The following PTPRA variants were observed in gnomAD, a reference collection of about 807,000 sequenced individuals.
PTPRA encodes protein tyrosine phosphatase receptor type A, also known as receptor-type tyrosine-protein phosphatase alpha.
In PTPRA, 25 loss-of-function variants were observed where a neutral mutation model predicts 104.8. That is an observed-to-expected ratio of 0.24 (90% CI 0.17 to 0.33). The LOEUF is 0.33. Among genes scored for constraint, PTPRA ranks in the 10% least tolerant of loss-of-function variants. The pLI is 1.00. For missense variants in PTPRA, 765 were observed against 1,015.3 expected (o/e 0.75, Z 3.35); for synonymous variants, 323 against 368.9 (o/e 0.88, Z 1.43).
At chr20:3,018,033 G>A in intron 13 of PTPRA, 120 bp downstream of exon 13, 1 of 833,164 alleles carries the variant, frequency 1.2e-6, no homozygotes, top group South Asian at 1.6e-5. Context: ...GAAAGACACA[G>A]GCTGAAGTCT....
At chr20:2,912,690 C>T (rs1362507069) in intron 1 of PTPRA, among the ~76,000 whole-genome samples, 2 of 152,216 alleles carry the variant, frequency 1.3e-5, no homozygotes, top group Non-Finnish European at 2.9e-5. Flanking sequence ...CGTGACCAAA[C>T]TGCTATTCTC....
chr20:3,037,420 A>G lies in PTPRA; in HGVS notation c.2334+131A>G. 1 of 1,395,416 alleles carries G rather than the reference A, an allele frequency of 7.2e-7. No individual in the cohort carries two copies. The highest frequency in any genetic ancestry group is 9.7e-7 in the Non-Finnish European group (1 of 1,033,724). 86.4% of individuals were successfully genotyped at this position (1,395,416 alleles called of 1,614,324 possible). The stretch of plus-strand genomic sequence containing the variant: ...ACACAGACCTGCCCTTGCCCTCCCA[A>G]GGTGCCCCAAATACACAGGAAACAT... On this transcript the variant is annotated intron_variant, in intron 23 of 23. Coordinates refer to ENST00000399903, the MANE Select transcript of PTPRA (RefSeq NM_001385305.1). The surrounding 1 kb of genome is among the most constrained non-coding windows in gnomAD (Gnocchi z 4.3).
In PTPRA at chr20:3,015,775, A is replaced by G. The variant is rs368439983; in HGVS notation, c.907-74A>G. ...TTTTCAGGTTTTGTTAACTGGTTGG[A>G]GTCAGACTGGAGAATTTCATTTCTA... On this transcript the variant is annotated intron_variant, in intron 11 of 23. Transcript: ENST00000399903. 3.9e-6 allele frequency: 5 copies of G among 1,279,756 alleles called. No individual in the cohort carries two copies. The Admixed American group carries it at 7.1e-5, about 18-fold the overall frequency. 79.3% of individuals were successfully genotyped at this position (1,279,756 alleles called of 1,614,324 possible).
chr20:2,892,103 A>G (rs1035117899), intron 1 of PTPRA, among the ~76,000 whole-genome samples: 2 of 152,018 alleles, frequency 1.3e-5, no homozygotes, highest in Non-Finnish European at 2.9e-5. Flanking sequence ...CAGCCTGGCC[A>G]ATATGGTGAA....
At chr20:2,988,161 T>A in intron 8 of PTPRA, 56 bp downstream of exon 8, 9 of 1,529,990 alleles carry the variant, frequency 5.9e-6, no homozygotes, top group Non-Finnish European at 8.1e-6. Context: ...ATCAAGAAAT[T>A]AGGAGTTTCT....
intron 6 of PTPRA, among the ~76,000 whole-genome samples, chr20:2,975,501 CAT>C (rs2062395270): frequency 6.6e-6 from 1 of 152,180 alleles, no homozygotes; most frequent in Non-Finnish European, 1.5e-5. Context: ...CTTACTTTGA[CAT>C]GTCACTTTGT....
intron 1 of PTPRA, among the ~76,000 whole-genome samples, chr20:2,907,680 T>C (rs1266352088): frequency 6.6e-6 from 1 of 152,210 alleles, no homozygotes; most frequent in African/African-American, 2.4e-5. Context: ...CAACACAGAC[T>C]ATTCATAGAA....
At chr20:2,963,809 C>T (rs2061847572) in intron 3 of PTPRA, among the ~76,000 whole-genome samples, 1 of 152,028 alleles carries the variant, frequency 6.6e-6, no homozygotes, top group African/African-American at 2.4e-5. Context: ...GAAGTTGAAG[C>T]AAGAGGATCA....
At chr20:3,036,805 A>C (rs2065821765) in intron 22 of PTPRA, among the ~76,000 whole-genome samples, 1 of 152,152 alleles carries the variant, frequency 6.6e-6, no homozygotes, top group African/African-American at 2.4e-5. Flanking sequence ...GGTTTGTCAG[A>C]AAAAGGGAAA....
At chr20:3,004,941 T>A in intron 9 of PTPRA, 115 bp from the exon 10 acceptor site, 1 of 926,920 alleles carries the variant, frequency 1.1e-6, no homozygotes, top group East Asian at 2.4e-5. Context: ...TGGGCCCATG[T>A]TTTTCCCCCC....
chr20:2,937,910 A>T (rs901347171), intron 2 of PTPRA, among the ~76,000 whole-genome samples: 4 of 152,162 alleles, frequency 2.6e-5, no homozygotes, highest in African/African-American at 9.6e-5. Flanking sequence ...ATGGTTCCTG[A>T]TGAAAAATCT....
At chr20:2,972,074 C>T (rs1356683363) in intron 5 of PTPRA, among the ~76,000 whole-genome samples, 1 of 152,140 alleles carries the variant, frequency 6.6e-6, no homozygotes, top group African/African-American at 2.4e-5. Flanking sequence ...CCCCATGATC[C>T]TGCCTCAGCC....
At chr20:3,033,211 A>G (rs1307332238) in intron 20 of PTPRA, among the ~76,000 whole-genome samples, 1 of 151,572 alleles carries the variant, frequency 6.6e-6, no homozygotes, top group African/African-American at 2.4e-5. Flanking sequence ...CCCCTTCCCA[A>G]TGTGGGCTCC....
At chr20:2,915,892 T>C (rs2059886971) in intron 1 of PTPRA, among the ~76,000 whole-genome samples, 1 of 152,148 alleles carries the variant, frequency 6.6e-6, no homozygotes. Context: ...GAAAATTACT[T>C]GAACCATGGA....
intron 1 of PTPRA, among the ~76,000 whole-genome samples, chr20:2,907,866 G>T (rs184944366): frequency 6.6e-6 from 1 of 151,732 alleles, no homozygotes; most frequent in Non-Finnish European, 1.5e-5. Context: ...GACTTTTAGA[G>T]CAAATGATTT....
chr20:3,002,771 C>T (rs894397023), intron 9 of PTPRA, among the ~76,000 whole-genome samples: 1 of 152,208 alleles, frequency 6.6e-6, no homozygotes, highest in Non-Finnish European at 1.5e-5. Flanking sequence ...AAATGGATCA[C>T]ACTTTAAAAA....
intron 1 of PTPRA, among the ~76,000 whole-genome samples, chr20:2,909,998 ATC>A (rs1223669626): frequency 2.6e-5 from 2 of 76,036 alleles, no homozygotes; most frequent in African/African-American, 1.5e-4. Flanking sequence ...CATATATATA[ATC>A]TATCATATAT....
intron 1 of PTPRA, among the ~76,000 whole-genome samples, chr20:2,916,120 G>A (rs2059896191): frequency 6.6e-6 from 1 of 152,064 alleles, no homozygotes; most frequent in Admixed American, 6.5e-5. Context: ...GCTCACTGCA[G>A]CCTTGACCTC....
intron 1 of PTPRA, among the ~76,000 whole-genome samples, chr20:2,881,377 G>A (rs1397584314): frequency 6.6e-6 from 1 of 151,988 alleles, no homozygotes; most frequent in Admixed American, 6.6e-5. Flanking sequence ...TCACCAGTAT[G>A]AAGACATTTG....
Sources: gnomAD v4.1 joint callset for allele counts (sites outside exome capture counted in the v4.1 genomes callset) on GRCh38, gnomAD v4.1.1 for gene constraint, Gnocchi (gnomAD v3.1) non-coding constraint, MANE v1.5 for transcripts, NCBI Gene and HGNC (gene_info 2026-07-23, HGNC 2026-07-21) for gene names.